IPO7: variants seen among roughly 807,000 people sequenced by gnomAD.
IPO7 encodes importin 7, also known as importin-7.
In IPO7, 13 loss-of-function variants were observed where a neutral mutation model predicts 136.4. The ratio of observed to expected loss-of-function variants is 0.10; its 90% CI spans 0.06 to 0.15. The LOEUF (loss-of-function observed/expected upper bound fraction) is 0.15. IPO7 is among the 10% of genes least tolerant of loss of function. The pLI is 1.00. For synonymous variants in IPO7, 403 were observed against 404.4 expected, an observed-to-expected ratio of 1.00 and a Z score of 0.04; for missense variants, 857 against 1,240.6, an observed-to-expected ratio of 0.69 and a Z score of 4.65.
chr11:9,384,783 T>C lies in IPO7; in HGVS notation c.20T>C (p.Ile7Thr). 6.2e-7 allele frequency: 1 copy of C among 1,606,642 alleles called. No individual in the cohort carries two copies. Residue 7 changes from isoleucine to threonine, a missense_variant, in exon 1 of 25, where the codon ATC becomes ACC. This residue lies in a region of IPO7 where 49 missense variants were observed against 59.9 expected (regional missense o/e 0.82). Transcript: ENST00000379719. ...GCTGCGATGGACCCCAACACCATTA[T>C]CGAGGCCCTGCGGGGCACTATGGAC... is the stretch of plus-strand genomic sequence containing the variant. MDPNTI[I>T]EALRGTMDPA...
At chr11:9,403,668 C>T (rs1854832832) in intron 2 of IPO7, 2 of 292,896 alleles carry the variant, frequency 6.8e-6, no homozygotes, top group African/African-American at 4.5e-5. Context: ...AAGACTCAAA[C>T]ATGTTTGTTT....
intron 6 of IPO7, among the ~76,000 whole-genome samples, chr11:9,417,389 T>C (rs1855055815): frequency 6.6e-6 from 1 of 152,182 alleles, no homozygotes; most frequent in African/African-American, 2.4e-5. Flanking sequence ...TTTCTTCTGT[T>C]GTCCTTTTGT....
At chr11:9,439,736 G>GGCA (rs1336746056) in intron 22 of IPO7, among the ~76,000 whole-genome samples, 1 of 151,584 alleles carries the variant, frequency 6.6e-6, no homozygotes, top group Non-Finnish European at 1.5e-5. Flanking sequence ...CCACCACACC[G>GGCA]GCTAATTTTT....
chr11:9,403,184 C>G lies in IPO7; in HGVS notation c.85-106C>G, dbSNP rs548027827. 22 of 742,578 alleles carry G rather than the reference C, an allele frequency of 3.0e-5. No individual in the cohort carries two copies. The East Asian group carries it at 4.0e-4, about 13-fold the overall frequency. 46.0% of individuals were successfully genotyped at this position (742,578 alleles called of 1,614,324 possible). ...TAAGACTGGAACCAGTTATGAAGAGCCTTTTGTGCAAGCCAAGCAATGGAA... is the reference window on the plus strand; with the variant it reads ...TAAGACTGGAACCAGTTATGAAGAGGCTTTTGTGCAAGCCAAGCAATGGAA... On this transcript the variant is annotated intron_variant, in intron 1 of 24. Coordinates refer to ENST00000379719, the MANE Select transcript of IPO7 (RefSeq NM_006391.3).
chr11:9,444,969 A>C, intron 24 of IPO7, 128 bp from the exon 25 acceptor site: 1 of 645,980 alleles, frequency 1.5e-6, no homozygotes, highest in African/African-American at 1.8e-5. Context: ...ACATTGGAGA[A>C]ATCATGGATT....
chr11:9,388,016 G>A (rs1564989356), intron 1 of IPO7, among the ~76,000 whole-genome samples: 3 of 148,798 alleles, frequency 2.0e-5, no homozygotes, highest in South Asian at 2.1e-4. Context: ...GCGTGGTGGC[G>A]CATGCCTGTA....
Position 9,437,813 on chromosome 11 carries a change from T to G in IPO7, c.2328T>G (p.Ser776Arg). Residue 776 changes from serine to arginine, a missense_variant, in exon 21 of 25, where the codon AGT becomes AGG. Physicochemically the swap from Ser to Arg is moderately radical, Grantham distance 110 (BLOSUM62 -1). This residue lies in a region of IPO7 where 190 missense variants were observed against 249.0 expected (regional missense o/e 0.76). Coordinates refer to ENST00000379719, the MANE Select transcript of IPO7 (RefSeq NM_006391.3). ...GACTGACAAGAGAGGTTAAGACAAGTGAACTTCGAACTATGTGTCTGCAAG... is the reference window on the plus strand; with the variant it reads ...GACTGACAAGAGAGGTTAAGACAAGGGAACTTCGAACTATGTGTCTGCAAG... ...LERLTREVKT[S>R]ELRTMCLQVA... 1 of 1,614,168 alleles carries G rather than the reference T, an allele frequency of 6.2e-7. No individual in the cohort carries two copies. Among genetic ancestry groups the G allele is most frequent in the Non-Finnish European group, 8.5e-7 (1 of 1,179,996 alleles).
chr11:9,408,356 G>A (rs1431212179), intron 2 of IPO7, 130 bp from the exon 3 acceptor site: 13 of 467,918 alleles, frequency 2.8e-5, no homozygotes, highest in Non-Finnish European at 4.7e-5. Context: ...ATTGAATGTA[G>A]TATTTTGTTA....
At chr11:9,385,828 C>T (rs1854545293) in intron 1 of IPO7, among the ~76,000 whole-genome samples, 1 of 151,994 alleles carries the variant, frequency 6.6e-6, no homozygotes, top group African/African-American at 2.4e-5. Flanking sequence ...TGTTTCTAAA[C>T]TTTTGCATTT....
chr11:9,423,960 T>C (rs1855169020), intron 10 of IPO7, 84 bp downstream of exon 10: 1 of 726,898 alleles, frequency 1.4e-6, no homozygotes, highest in African/African-American at 1.8e-5. Flanking sequence ...TAGGGGGTAT[T>C]ATGTATCTTC....
At chr11:9,434,237 T>C (rs1855340342) in intron 18 of IPO7, among the ~76,000 whole-genome samples, 1 of 152,170 alleles carries the variant, frequency 6.6e-6, no homozygotes, top group African/African-American at 2.4e-5. Context: ...CGTACACTTT[T>C]GAATGTTCAG....
chr11:9,429,760 A>G lies in IPO7; in HGVS notation c.1678A>G (p.Asn560Asp). The G allele has an allele frequency of 1.9e-6, 3 of 1,604,004 alleles. No individual in the cohort carries two copies. The highest frequency in any genetic ancestry group is 2.6e-6 in the Non-Finnish European group (3 of 1,173,130). The change falls in exon 15 of 25, where the codon AAT becomes GAT. Residue 560 changes from asparagine (N) to aspartate (D), a missense_variant. Coordinates refer to ENST00000379719, the MANE Select transcript of IPO7 (RefSeq NM_006391.3). The part of the protein sequence containing the change: ...IRETENDDLT[N>D]VIQKMICEYS... ...AGAAACAGAAAATGATGACCTTACC[A>G]ATGTAATTCAGAAAATGATCTGTGA...
intron 12 of IPO7, among the ~76,000 whole-genome samples, chr11:9,427,392 C>G (rs757675534): frequency 1.3e-5 from 2 of 152,096 alleles, no homozygotes; most frequent in Non-Finnish European, 1.5e-5. Flanking sequence ...TCCCGAGTAG[C>G]TGGGACTGCA....
At chr11:9,440,279 C>T (rs1855444230) in intron 22 of IPO7, among the ~76,000 whole-genome samples, 176 bp from the exon 23 acceptor site, 1 of 152,136 alleles carries the variant, frequency 6.6e-6, no homozygotes, top group South Asian at 2.1e-4. Flanking sequence ...TTCTTGGACT[C>T]CTATGGAAAT....
chr11:9,418,849 T>G (rs991187815), intron 6 of IPO7, among the ~76,000 whole-genome samples: 2 of 152,204 alleles, frequency 1.3e-5, no homozygotes, highest in Non-Finnish European at 2.9e-5. Flanking sequence ...CACAATAGAT[T>G]TAATCTGTTT....
intron 1 of IPO7, among the ~76,000 whole-genome samples, chr11:9,386,314 T>C (rs1472518828): frequency 6.6e-6 from 1 of 152,220 alleles, no homozygotes; most frequent in East Asian, 1.9e-4. Flanking sequence ...CTTAGATTTT[T>C]TTGGATATAA....
In IPO7 at chr11:9,428,641, A is replaced by G. The variant is rs775945310; in HGVS notation, c.1425+12A>G. On this transcript the variant is annotated intron_variant, in intron 13 of 24. Transcript: ENST00000379719. ...ACATGAGAGCAAGGGTATGTTTTAA[A>G]GCTGCATTATTTATATACTTTTGTC... is the stretch of plus-strand genomic sequence containing the variant. 7.1e-7 allele frequency: 1 copy of G among 1,400,710 alleles called. No homozygotes were observed. Among genetic ancestry groups the G allele is most frequent in the Admixed American group, 1.8e-5 (1 of 56,644 alleles). 86.8% of individuals were successfully genotyped at this position (1,400,710 alleles called of 1,614,324 possible).
chr11:9,387,065 CAG>C (rs1363164120), intron 1 of IPO7, among the ~76,000 whole-genome samples: 8 of 152,106 alleles, frequency 5.3e-5, no homozygotes, highest in Admixed American at 4.6e-4. Flanking sequence ...ATTTGGGAGA[CAG>C]ATCTCAGACA....
At chr11:9,403,964 C>T (rs1854837685) in intron 2 of IPO7, among the ~76,000 whole-genome samples, 1 of 152,074 alleles carries the variant, frequency 6.6e-6, no homozygotes, top group African/African-American at 2.4e-5. Context: ...CAGGTTCAAG[C>T]GATTCTTCTG....
Sources: gnomAD v4.1 joint callset for allele counts (sites outside exome capture counted in the v4.1 genomes callset) on GRCh38, gnomAD v4.1.1 for gene constraint, gnomAD v4.1.1 regional missense constraint, MANE v1.5 for transcripts, NCBI Gene and HGNC (gene_info 2026-07-23, HGNC 2026-07-21) for gene names.